SLC24A3: variants seen among roughly 807,000 people sequenced by gnomAD.
The protein encoded by SLC24A3 is solute carrier family 24 member 3, also known as sodium/potassium/calcium exchanger 3.
A neutral mutation model predicts 75.8 loss-of-function variants in SLC24A3; 28 were observed. The observed-to-expected ratio is 0.37, with a 90% CI of 0.27 to 0.51. SLC24A3 has a LOEUF of 0.51. SLC24A3 is among the 20% of genes least tolerant of loss of function. The pLI is 0.94. For synonymous variants in SLC24A3, 372 were observed against 334.1 expected, an observed-to-expected ratio of 1.11 and a Z score of -1.24; for missense variants, 663 against 847.8, an observed-to-expected ratio of 0.78 and a Z score of 2.71.
chr20:19,716,873 C>CA (rs909056585), intron 15 of SLC24A3, among the ~76,000 whole-genome samples: 3 of 150,392 alleles, frequency 2.0e-5, no homozygotes, highest in Admixed American at 6.6e-5. Flanking sequence ...AACCCTGTCT[C>CA]AAAAAAAAAG....
intron 1 of SLC24A3, among the ~76,000 whole-genome samples, chr20:19,217,195 G>A (rs183481009): frequency 6.6e-6 from 1 of 152,334 alleles, no homozygotes; most frequent in Non-Finnish European, 1.5e-5. Flanking sequence ...GCTATTTTCT[G>A]TTAGTCAAAG....
intron 2 of SLC24A3, among the ~76,000 whole-genome samples, chr20:19,512,938 T>C (rs1053898537): frequency 6.6e-6 from 1 of 152,196 alleles, no homozygotes; most frequent in South Asian, 2.1e-4. Context: ...CCCCAGGGCA[T>C]ATGACTGGCT....
intron 2 of SLC24A3, among the ~76,000 whole-genome samples, chr20:19,349,384 T>C (rs916672005): frequency 3.9e-5 from 6 of 152,194 alleles, no homozygotes; most frequent in African/African-American, 1.4e-4. Flanking sequence ...TTCGTATCTC[T>C]TAGGCGTTAC....
chr20:19,215,043 G>A (rs1981516382), intron 1 of SLC24A3, among the ~76,000 whole-genome samples: 1 of 152,110 alleles, frequency 6.6e-6, no homozygotes, highest in African/African-American at 2.4e-5. Flanking sequence ...TTTCCGTTAG[G>A]TATTGATGAT....
intron 2 of SLC24A3, among the ~76,000 whole-genome samples, chr20:19,424,745 CAAAAAAAAAAAA>C (rs528342351): frequency 4.1e-5 from 2 of 49,160 alleles, no homozygotes; most frequent in Admixed American, 2.7e-4. Flanking sequence ...AAAACAACAA[CAAAAAAAAAAAA>C]AAAAAAAAAA....
intron 2 of SLC24A3, among the ~76,000 whole-genome samples, chr20:19,295,752 G>T (rs893230244): frequency 6.6e-6 from 1 of 151,806 alleles, no homozygotes; most frequent in African/African-American, 2.4e-5. Context: ...GATTCAGTTT[G>T]CCAGTATTTT....
At chr20:19,388,983 A>C (rs1293761618) in intron 2 of SLC24A3, among the ~76,000 whole-genome samples, 2 of 151,104 alleles carry the variant, frequency 1.3e-5, no homozygotes, top group African/African-American at 4.9e-5. Flanking sequence ...ATGCGCTTTG[A>C]TTCTTTTCTC....
intron 6 of SLC24A3, among the ~76,000 whole-genome samples, chr20:19,648,919 A>G (rs1480340575): frequency 1.3e-5 from 2 of 152,228 alleles, no homozygotes; most frequent in African/African-American, 4.8e-5. Flanking sequence ...GGGAAAATAG[A>G]GTCTCTGGCT....
chr20:19,227,298 T>G (rs1981893913), intron 1 of SLC24A3, among the ~76,000 whole-genome samples: 3 of 152,216 alleles, frequency 2.0e-5, no homozygotes, highest in Admixed American at 6.5e-5. Context: ...AGTCTTCATT[T>G]TCTTCTAATG....
chr20:19,441,295 G>A (rs1270288082), intron 2 of SLC24A3, among the ~76,000 whole-genome samples: 1 of 152,134 alleles, frequency 6.6e-6, no homozygotes, highest in Non-Finnish European at 1.5e-5. Context: ...AGTAATGACG[G>A]TTGACACCTC....
chr20:19,575,334 T>G (rs536086863), intron 3 of SLC24A3, among the ~76,000 whole-genome samples: 3 of 148,254 alleles, frequency 2.0e-5, no homozygotes, highest in African/African-American at 5.0e-5. Context: ...ACTTCATATA[T>G]AGAGAGCCCA....
At chr20:19,547,115 C>G (rs182361159) in intron 3 of SLC24A3, among the ~76,000 whole-genome samples, 2 of 152,306 alleles carry the variant, frequency 1.3e-5, no homozygotes, top group African/African-American at 4.8e-5. Context: ...TGTAATTATA[C>G]ATTGTGGCAT....
At chr20:19,649,408 G>T (rs1409425785) in intron 6 of SLC24A3, among the ~76,000 whole-genome samples, 1 of 152,188 alleles carries the variant, frequency 6.6e-6, no homozygotes, top group Non-Finnish European at 1.5e-5. Flanking sequence ...TGGACAGGTA[G>T]TTTCAGTGTT....
At chr20:19,379,262 T>TG (rs1986141289) in intron 2 of SLC24A3, among the ~76,000 whole-genome samples, 1 of 152,164 alleles carries the variant, frequency 6.6e-6, no homozygotes, top group Admixed American at 6.5e-5. Flanking sequence ...TACTAGGAGC[T>TG]GGGGGCACCC....
chr20:19,508,503 T>A (rs1988492017), intron 2 of SLC24A3, among the ~76,000 whole-genome samples: 1 of 152,040 alleles, frequency 6.6e-6, no homozygotes, highest in Admixed American at 6.5e-5. Context: ...TCCTGCTGCA[T>A]TTTTTTTCAA....
intron 1 of SLC24A3, among the ~76,000 whole-genome samples, chr20:19,255,701 G>A (rs1464914257): frequency 2.0e-5 from 3 of 152,188 alleles, no homozygotes; most frequent in African/African-American, 7.2e-5. Flanking sequence ...CATGGCAACC[G>A]AGCACTTGCA....
chr20:19,690,038 A>AAAAAAG (rs2032728209), intron 12 of SLC24A3, among the ~76,000 whole-genome samples: 1 of 151,456 alleles, frequency 6.6e-6, no homozygotes, highest in African/African-American at 2.4e-5. Context: ...CTCAAAAAAA[A>AAAAAAG]AAAAAAAAAA....
chr20:19,611,429 CT>C (rs1305851084), intron 6 of SLC24A3, among the ~76,000 whole-genome samples: 1 of 152,174 alleles, frequency 6.6e-6, no homozygotes, highest in Non-Finnish European at 1.5e-5. Flanking sequence ...TTGATCCCCA[CT>C]TAGGACTCTC....
intron 2 of SLC24A3, among the ~76,000 whole-genome samples, chr20:19,398,346 T>C (rs1274589072): frequency 6.6e-6 from 1 of 152,168 alleles, no homozygotes; most frequent in African/African-American, 2.4e-5. Flanking sequence ...GTGTTCAATT[T>C]CTCTCAGCAA....
Sources: gnomAD v4.1 joint callset for allele counts (sites outside exome capture counted in the v4.1 genomes callset) on GRCh38, gnomAD v4.1.1 for gene constraint, MANE v1.5 for transcripts, NCBI Gene and HGNC (gene_info 2026-07-23, HGNC 2026-07-21) for gene names.